Variants in PATJ observed in about 807,000 individuals in gnomAD.
PATJ encodes the protein PATJ crumbs cell polarity complex component.
A neutral mutation model predicts 224.9 loss-of-function variants in PATJ; 190 were observed. The observed-to-expected ratio is 0.84, with a 90% confidence interval of 0.75 to 0.95. The LOEUF is 0.95. Among genes scored for constraint, PATJ ranks in the 40% least tolerant of loss-of-function variants. The pLI is 0.00. For synonymous variants in PATJ, 769 were observed against 820.3 expected, an observed-to-expected ratio of 0.94 and a Z score of 1.07; for missense variants, 2,121 against 2,270.3, an observed-to-expected ratio of 0.93 and a Z score of 1.34.
At chr1:61,979,720 TC>T (rs1447098502) in intron 27 of PATJ, among the ~76,000 whole-genome samples, 3 of 151,484 alleles carry the variant, frequency 2.0e-5, no homozygotes, top group African/African-American at 4.9e-5. Flanking sequence ...ACAGGAGCCT[TC>T]ATAAGGAAAT....
intron 27 of PATJ, among the ~76,000 whole-genome samples, chr1:61,982,022 G>T (rs1644478140): frequency 6.6e-6 from 1 of 151,992 alleles, no homozygotes; most frequent in South Asian, 2.1e-4. Context: ...TGAGTATAGG[G>T]CAGGACACCT....
chr1:62,069,641 A>G (rs956970393), intron 31 of PATJ, among the ~76,000 whole-genome samples: 2 of 152,184 alleles, frequency 1.3e-5, no homozygotes, highest in African/African-American at 2.4e-5. Flanking sequence ...ACAAGAAAAA[A>G]GGAAGGAAAC....
intron 29 of PATJ, among the ~76,000 whole-genome samples, chr1:62,019,266 C>T (rs1383883606): frequency 6.8e-6 from 1 of 148,074 alleles, no homozygotes; most frequent in Non-Finnish European, 1.5e-5. Context: ...AAAGGCCGGG[C>T]ATGGTGGCTC....
At chr1:61,749,801 C>G (rs1269027933) in intron 1 of PATJ, among the ~76,000 whole-genome samples, 1 of 151,958 alleles carries the variant, frequency 6.6e-6, no homozygotes, top group African/African-American at 2.4e-5. Context: ...ACCTCAGTCT[C>G]CTGAGTAGCT....
chr1:61,959,838 A>G (rs1169297300), intron 27 of PATJ, among the ~76,000 whole-genome samples: 1 of 152,032 alleles, frequency 6.6e-6, no homozygotes, highest in African/African-American at 2.4e-5. Context: ...CCTGGGCAAT[A>G]TAGCCAGACT....
intron 40 of PATJ, chr1:62,128,298 C>A (rs1056236324): frequency 1.9e-6 from 1 of 522,058 alleles, no homozygotes; most frequent in African/African-American, 1.9e-5. Flanking sequence ...TGTATCAAAG[C>A]TTCTCCATAA....
At chr1:61,822,881 A>T in intron 14 of PATJ, 64 bp from the exon 15 acceptor site, 1 of 1,595,528 alleles carries the variant, frequency 6.3e-7, no homozygotes, top group South Asian at 1.1e-5. Flanking sequence ...ATAGCACTGG[A>T]TGGAGGATGA....
At chr1:61,852,595 A>T (rs1663008459) in intron 17 of PATJ, 1 of 152,242 alleles carries the variant, frequency 6.6e-6, no homozygotes, top group Non-Finnish European at 1.5e-5. Flanking sequence ...GAAGCGCTTC[A>T]TATATTTATC....
chr1:61,750,976 C>T (rs1645289106), intron 1 of PATJ, among the ~76,000 whole-genome samples: 1 of 151,500 alleles, frequency 6.6e-6, no homozygotes, highest in Non-Finnish European at 1.5e-5. Flanking sequence ...TCATAGTATC[C>T]CTTTCCCTTT....
At chr1:61,883,415 T>C (rs1205572840) in intron 21 of PATJ, among the ~76,000 whole-genome samples, 1 of 152,124 alleles carries the variant, frequency 6.6e-6, no homozygotes, top group African/African-American at 2.4e-5. Context: ...TGGTTGATAG[T>C]GTCTTTTCTT....
In PATJ at chr1:62,161,917, A is replaced by G. The variant is rs955741562; in HGVS notation, c.*863A>G. The G allele has an allele frequency of 4.6e-5, 7 of 152,234 alleles. No homozygotes were observed. The highest frequency in any genetic ancestry group is 1.7e-4 in the African/African-American group (7 of 41,458). The allele number at this position is 152,234 out of a possible 1,614,324, so 9.4% of individuals were successfully genotyped here. ...TGAAATACCAGATTCTCCTATGGGA[A>G]ATTACTGTGCTGTCTTCTGTATGAC... On this transcript the variant is annotated 3_prime_UTR_variant, in exon 44 of 44. Coordinates refer to ENST00000642238, the MANE Select transcript of PATJ (RefSeq NM_001350145.3).
intron 14 of PATJ, among the ~76,000 whole-genome samples, chr1:61,818,370 C>T (rs901241294): frequency 1.3e-5 from 2 of 152,270 alleles, no homozygotes; most frequent in South Asian, 2.1e-4. Context: ...GCATGACATG[C>T]GGTGTGTGTG....
intron 27 of PATJ, among the ~76,000 whole-genome samples, chr1:61,951,218 T>C (rs1030843184): frequency 2.0e-5 from 3 of 152,164 alleles, no homozygotes; most frequent in African/African-American, 4.8e-5. Context: ...TAGTAGAATT[T>C]GTATTCTAGC....
At chr1:61,980,745 GGTTCCCCGCAGT>G (rs1230338537) in intron 27 of PATJ, among the ~76,000 whole-genome samples, 1 of 152,082 alleles carries the variant, frequency 6.6e-6, no homozygotes, top group East Asian at 1.9e-4. Flanking sequence ...GGCCATGCGG[GGTTCCCCGCAGT>G]GGAGCCACAT....
chr1:62,084,865 C>A (rs1393885094), intron 33 of PATJ, among the ~76,000 whole-genome samples: 1 of 152,180 alleles, frequency 6.6e-6, no homozygotes, highest in Non-Finnish European at 1.5e-5. Context: ...CACTTATAAT[C>A]CCAGCACTTT....
intron 33 of PATJ, among the ~76,000 whole-genome samples, 171 bp downstream of exon 33, chr1:62,084,819 T>G (rs989106648): frequency 6.6e-6 from 1 of 152,154 alleles, no homozygotes; most frequent in African/African-American, 2.4e-5. Context: ...TTTTTCTCAG[T>G]GTTTAATTTT....
chr1:61,959,247 G>A (rs951350999), intron 27 of PATJ, among the ~76,000 whole-genome samples: 76 of 151,736 alleles, frequency 5.0e-4, no homozygotes, highest in African/African-American at 1.5e-3. Context: ...GTATGGGACC[G>A]GGGATTACAT....
At chr1:61,912,604 G>A (rs1053353356) in intron 25 of PATJ, among the ~76,000 whole-genome samples, 1 of 146,688 alleles carries the variant, frequency 6.8e-6, no homozygotes, top group Non-Finnish European at 1.5e-5. Context: ...CTGTCTCAAC[G>A]AATGAACAAA....
intron 4 of PATJ, among the ~76,000 whole-genome samples, chr1:61,767,392 A>T (rs1557605989): frequency 6.6e-6 from 1 of 151,976 alleles, no homozygotes; most frequent in Non-Finnish European, 1.5e-5. Flanking sequence ...ATAAAAATAT[A>T]GTCGGGCATG....
Sources: gnomAD v4.1 joint callset for allele counts (sites outside exome capture counted in the v4.1 genomes callset) on GRCh38, gnomAD v4.1.1 for gene constraint, MANE v1.5 for transcripts, NCBI Gene and HGNC (gene_info 2026-07-23, HGNC 2026-07-21) for gene names.